The following COL24A1 variants were observed in gnomAD, a reference collection of about 807,000 sequenced individuals.
COL24A1 encodes collagen type XXIV alpha 1 chain, also known as collagen alpha-1(XXIV) chain.
COL24A1 carries 224 observed loss-of-function variants against 253.9 expected under a neutral mutation model. That is an observed-to-expected ratio of 0.88 (90% CI 0.79 to 0.99). The LOEUF (loss-of-function observed/expected upper bound fraction) is 0.99. Among genes scored for constraint, COL24A1 ranks in the 50% least tolerant of loss-of-function variants. The pLI, the probability that COL24A1 is intolerant of heterozygous loss-of-function variation, is 0.00. For synonymous variants in COL24A1, 685 were observed against 673.7 expected, an observed-to-expected ratio of 1.02 and a Z score of -0.26; for missense variants, 2,131 against 2,068.5, an observed-to-expected ratio of 1.03 and a Z score of -0.59.
chr1:85,961,216 T>G, intron 24 of COL24A1, 33 bp downstream of exon 24: 1 of 1,484,118 alleles, frequency 6.7e-7, no homozygotes, highest in Non-Finnish European at 9.4e-7. Context: ...TGCTTACAGC[T>G]GATTAAAAAA....
chr1:86,154,255 C>A (rs1653182351), intron 1 of COL24A1: 1 of 151,030 alleles, frequency 6.6e-6, no homozygotes, highest in Non-Finnish European at 1.5e-5. Context: ...TCAGTCCAAT[C>A]ATTAGCTATC....
intron 28 of COL24A1, among the ~76,000 whole-genome samples, chr1:85,906,262 G>GTTTTTTTTTTTTTTTTTTTTTTT (rs1438385660): frequency 2.4e-3 from 34 of 14,012 alleles, no homozygotes; most frequent in South Asian, 7.0e-3. Context: ...AAACTGCAAG[G>GTTTTTTTTTTTTTTTTTTTTTTT]TCTTTTTTTT....
At chr1:85,816,046 A>G (rs1345077297) in intron 47 of COL24A1, among the ~76,000 whole-genome samples, 1 of 152,198 alleles carries the variant, frequency 6.6e-6, no homozygotes, top group East Asian at 1.9e-4. Context: ...GCACAAATCC[A>G]ATAATGTGGA....
At chr1:86,065,350 G>A (rs149662400) in intron 7 of COL24A1, among the ~76,000 whole-genome samples, 2 of 152,156 alleles carry the variant, frequency 1.3e-5, no homozygotes, top group East Asian at 1.9e-4. Context: ...AAATGCAATC[G>A]TGGCACAATT....
intron 19 of COL24A1, among the ~76,000 whole-genome samples, chr1:85,996,593 G>A (rs546999734): frequency 5.8e-4 from 88 of 152,004 alleles, no homozygotes; most frequent in African/African-American, 2.0e-3. Context: ...CTGAGATGGC[G>A]CCACTGCACT....
intron 2 of COL24A1, among the ~76,000 whole-genome samples, chr1:86,126,834 T>C (rs1299291500): frequency 1.3e-5 from 2 of 152,152 alleles, no homozygotes; most frequent in East Asian, 1.9e-4. Flanking sequence ...TGAATATACA[T>C]GTTCAAAGAT....
At chr1:85,795,275 A>C in intron 47 of COL24A1, among the ~76,000 whole-genome samples, 1 of 152,312 alleles carries the variant, frequency 6.6e-6, no homozygotes, top group East Asian at 1.9e-4. Context: ...CACATTTAGA[A>C]AAAAGATACA....
chr1:86,111,997 G>A (rs1051376639), intron 5 of COL24A1, among the ~76,000 whole-genome samples: 7 of 152,008 alleles, frequency 4.6e-5, no homozygotes, highest in African/African-American at 1.7e-4. Flanking sequence ...TCACCGCGAG[G>A]GTCCGTGGCT....
chr1:86,118,086 G>C (rs1276516195), intron 3 of COL24A1, among the ~76,000 whole-genome samples: 1 of 143,872 alleles, frequency 7.0e-6, no homozygotes, highest in Non-Finnish European at 1.5e-5. Flanking sequence ...TTTTCGAGAT[G>C]GAGTCTCACT....
In COL24A1 at chr1:86,123,563, T is replaced by G. The variant is rs371243790; in HGVS notation, c.1491+1282A>C. 2.1e-4 allele frequency among the ~76,000 whole-genome samples: 32 copies of G among 152,158 alleles called. 2 individuals are homozygous for G. The East Asian group carries it at 2.3e-3, about 11-fold the overall frequency. ...TAAGTAAATATCTGCTGAATATTAC[T>G]GCTTCACCTGCCAATACTGAATGAC... On this transcript the variant is annotated intron_variant, in intron 3 of 59. Transcript: ENST00000370571.
intron 19 of COL24A1, among the ~76,000 whole-genome samples, chr1:86,004,184 A>C (rs1394428320): frequency 6.6e-6 from 1 of 152,164 alleles, no homozygotes; most frequent in Non-Finnish European, 1.5e-5. Flanking sequence ...CTCGGTGGCA[A>C]ATTTCTTACA....
chr1:86,070,661 GC>G (rs1389503643), intron 7 of COL24A1, among the ~76,000 whole-genome samples: 1 of 152,132 alleles, frequency 6.6e-6, no homozygotes, highest in African/African-American at 2.4e-5. Context: ...AACCATACAG[GC>G]CAGGAGAGAG....
chr1:86,076,822 C>T (rs767789188), intron 7 of COL24A1, among the ~76,000 whole-genome samples: 6 of 152,190 alleles, frequency 3.9e-5, no homozygotes, highest in African/African-American at 1.4e-4. Context: ...CCCTTCCTTA[C>T]ACCTTATACA....
At chr1:85,875,108 G>C (rs927549122) in intron 34 of COL24A1, among the ~76,000 whole-genome samples, 169 bp downstream of exon 34, 1 of 152,126 alleles carries the variant, frequency 6.6e-6, no homozygotes, top group Non-Finnish European at 1.5e-5. Flanking sequence ...CAGCCAAATA[G>C]GTTGGGGACT....
chr1:85,913,663 C>T (rs1314148693), intron 24 of COL24A1, among the ~76,000 whole-genome samples: 3 of 152,188 alleles, frequency 2.0e-5, no homozygotes, highest in Non-Finnish European at 4.4e-5. Context: ...TTGCTTAATT[C>T]TGCCTTCCAT....
chr1:85,951,205 T>C (rs757683455), intron 24 of COL24A1, among the ~76,000 whole-genome samples: 1 of 152,202 alleles, frequency 6.6e-6, no homozygotes, highest in African/African-American at 2.4e-5. Flanking sequence ...ATAAGGCATG[T>C]GGTCACTGCT....
At chr1:85,838,942 G>C (rs1210361155) in intron 42 of COL24A1, among the ~76,000 whole-genome samples, 1 of 152,188 alleles carries the variant, frequency 6.6e-6, no homozygotes, top group African/African-American at 2.4e-5. Context: ...GCTCACACCT[G>C]TAGTCCCAGC....
At chr1:85,954,494 C>A (rs569194091) in intron 24 of COL24A1, among the ~76,000 whole-genome samples, 188 of 152,266 alleles carry the variant, frequency 1.2e-3, no homozygotes, top group African/African-American at 3.8e-3. Flanking sequence ...AGTTTCTTGA[C>A]TTCTCTGAAA....
chr1:85,784,670 T>A (rs540080923), intron 48 of COL24A1, among the ~76,000 whole-genome samples: 1 of 151,956 alleles, frequency 6.6e-6, no homozygotes, highest in Non-Finnish European at 1.5e-5. Flanking sequence ...GAGGGGATAG[T>A]GAGGGTGTGG....
Sources: gnomAD v4.1 joint callset for allele counts (sites outside exome capture counted in the v4.1 genomes callset) on GRCh38, gnomAD v4.1.1 for gene constraint, MANE v1.5 for transcripts, NCBI Gene and HGNC (gene_info 2026-07-23, HGNC 2026-07-21) for gene names.